SRRM4: variants seen among roughly 807,000 people sequenced by gnomAD.
The protein encoded by SRRM4 is serine/arginine repetitive matrix 4.
In SRRM4, 33 loss-of-function variants were observed where a neutral mutation model predicts 68.9. The observed-to-expected ratio is 0.48, with a 90% CI of 0.36 to 0.64. The LOEUF is 0.64. SRRM4 is among the 30% of genes least tolerant of loss of function. The probability of loss-of-function intolerance (pLI) is 0.00; values close to 1 mark genes in which losing one functional copy is unlikely to be tolerated. For missense variants in SRRM4, 817 were observed against 827.1 expected (o/e 0.99, Z 0.15); for synonymous variants, 318 against 318.8 (o/e 1.00, Z 0.03).
intron 1 of SRRM4, among the ~76,000 whole-genome samples, chr12:119,075,608 A>T (rs150466463): frequency 3.3e-5 from 5 of 149,890 alleles, no homozygotes; most frequent in African/African-American, 1.2e-4. Context: ...GATGTTGATG[A>T]TGGTGGTGAT....
chr12:119,143,036 T>A (rs1954375884), intron 8 of SRRM4, among the ~76,000 whole-genome samples: 1 of 152,222 alleles, frequency 6.6e-6, no homozygotes, highest in Non-Finnish European at 1.5e-5. Context: ...AGCAAAGCTA[T>A]CCAGTGTGCC....
At chr12:119,039,094 C>G (rs988911207) in intron 1 of SRRM4, among the ~76,000 whole-genome samples, 1 of 152,238 alleles carries the variant, frequency 6.6e-6, no homozygotes, top group African/African-American at 2.4e-5. Context: ...ATCATCTCAG[C>G]TCTTACTTTT....
At chr12:119,152,884 T>A (rs1954448465) in intron 10 of SRRM4, among the ~76,000 whole-genome samples, 1 of 152,164 alleles carries the variant, frequency 6.6e-6, no homozygotes, top group Non-Finnish European at 1.5e-5. Context: ...AACAATATAG[T>A]CTACAAAAAT....
chr12:119,124,559 A>T (rs1311284894), intron 6 of SRRM4, among the ~76,000 whole-genome samples: 1 of 152,176 alleles, frequency 6.6e-6, no homozygotes, highest in Non-Finnish European at 1.5e-5. Context: ...ATATATCTTC[A>T]ATTACCACTG....
intron 2 of SRRM4, among the ~76,000 whole-genome samples, chr12:119,106,291 G>T (rs1954107272): frequency 6.6e-6 from 1 of 152,170 alleles, no homozygotes; most frequent in Non-Finnish European, 1.5e-5. Flanking sequence ...TGGCAATGCG[G>T]GCTCTTTTTT....
At chr12:119,005,657 A>C (rs538647613) in intron 1 of SRRM4, among the ~76,000 whole-genome samples, 1 of 152,340 alleles carries the variant, frequency 6.6e-6, no homozygotes, top group South Asian at 2.1e-4. Flanking sequence ...AACCTACCTC[A>C]TCCAGGGTCC....
intron 6 of SRRM4, among the ~76,000 whole-genome samples, chr12:119,123,231 G>C (rs1386325186): frequency 9.2e-5 from 14 of 152,184 alleles, no homozygotes; most frequent in Non-Finnish European, 1.3e-4. Flanking sequence ...GGACGAAGGA[G>C]GGCATTTCCG....
chr12:119,155,479 T>A (rs1280296225), intron 12 of SRRM4, among the ~76,000 whole-genome samples: 1 of 152,180 alleles, frequency 6.6e-6, no homozygotes, highest in Non-Finnish European at 1.5e-5. Flanking sequence ...TGTAAAGAAT[T>A]CCTAAACCCT....
At chr12:119,149,319 G>A (rs1954424130) in intron 9 of SRRM4, among the ~76,000 whole-genome samples, 1 of 152,210 alleles carries the variant, frequency 6.6e-6, no homozygotes. Context: ...CTGCACTCCA[G>A]CCTGGCGACA....
intron 9 of SRRM4, 24 bp downstream of exon 9, chr12:119,145,709 G>A (rs776963073): frequency 1.4e-6 from 2 of 1,476,514 alleles, no homozygotes; most frequent in Admixed American, 5.1e-5. Context: ...ACAGGGTCGG[G>A]GGTAGACGGT....
chr12:119,134,734 C>T (rs73410058), intron 8 of SRRM4, among the ~76,000 whole-genome samples: 5,272 of 152,244 alleles, frequency 0.035, 302 homozygotes, highest in African/African-American at 0.12. Context: ...GTACCCACAA[C>T]GAACTAGTTA....
chr12:119,030,366 G>A (rs564441893), intron 1 of SRRM4, among the ~76,000 whole-genome samples: 1 of 152,178 alleles, frequency 6.6e-6, no homozygotes, highest in Non-Finnish European at 1.5e-5. Context: ...CACTCTCAGG[G>A]ATTCTGTAAG....
At chr12:119,051,892 G>A (rs755081156) in intron 1 of SRRM4, among the ~76,000 whole-genome samples, 14 of 152,230 alleles carry the variant, frequency 9.2e-5, no homozygotes, top group Admixed American at 3.9e-4. Flanking sequence ...CAATCTTTCT[G>A]TCTTCTGGGC....
At chr12:119,020,848 A>C (rs1349725393) in intron 1 of SRRM4, among the ~76,000 whole-genome samples, 1 of 152,254 alleles carries the variant, frequency 6.6e-6, no homozygotes, top group Non-Finnish European at 1.5e-5. Context: ...AAGGACTTTT[A>C]CAAAGAAAGC....
At chr12:119,067,258 G>A (rs1953851725) in intron 1 of SRRM4, among the ~76,000 whole-genome samples, 1 of 152,076 alleles carries the variant, frequency 6.6e-6, no homozygotes. Flanking sequence ...CCAGTGCCTA[G>A]CACCATGTCT....
chr12:119,125,378 A>C lies in SRRM4; in HGVS notation c.516-3A>C. ...CTGACTCGTTCCTTCTCATCCCCCC[A>C]AGATCTCGAAGCCGGCCCCGAAAGT... is the stretch of plus-strand genomic sequence containing the variant. On this transcript the variant is annotated splice_region_variant and splice_polypyrimidine_tract_variant and intron_variant, in intron 6 of 12. Transcript: ENST00000267260. 1 of 1,611,252 alleles carries C rather than the reference A, an allele frequency of 6.2e-7. No individual in the cohort carries two copies. Among genetic ancestry groups the C allele is most frequent in the South Asian group, 1.1e-5 (1 of 90,724 alleles).
intron 1 of SRRM4, among the ~76,000 whole-genome samples, chr12:118,988,358 G>A (rs1594015342): frequency 6.6e-6 from 1 of 152,220 alleles, no homozygotes; most frequent in Non-Finnish European, 1.5e-5. Flanking sequence ...CTCTCTGAGG[G>A]GAACATTAAC....
rs1364326281 is a variant in SRRM4 at position 119,157,050 on chromosome 12, C to CA, written c.*259dup. The CA allele has an allele frequency of 3.8e-5, 18 of 467,656 alleles. No individual in the cohort carries two copies. Among genetic ancestry groups the CA allele is most frequent in the East Asian group, 6.6e-5 (2 of 30,446 alleles). 29.0% of individuals were successfully genotyped at this position (467,656 alleles called of 1,614,324 possible). On this transcript the variant is annotated 3_prime_UTR_variant, in exon 13 of 13. Coordinates refer to ENST00000267260, the MANE Select transcript of SRRM4 (RefSeq NM_194286.4). This position sits in a 1 kb window ranked among gnomAD's most constrained non-coding sequence, Gnocchi z 4.1. ...TGGAAAGAACCATCATCTTGTGGCA[C>CA]AAAAAAAGAAGAAAGAAAAGAAAAC...
At chr12:119,006,224 C>A (rs1489037882) in intron 1 of SRRM4, among the ~76,000 whole-genome samples, 1 of 152,134 alleles carries the variant, frequency 6.6e-6, no homozygotes. Flanking sequence ...AGGATTCTGT[C>A]CCTTTTCCAT....
Sources: gnomAD v4.1 joint callset for allele counts (sites outside exome capture counted in the v4.1 genomes callset) on GRCh38, gnomAD v4.1.1 for gene constraint, Gnocchi (gnomAD v3.1) non-coding constraint, MANE v1.5 for transcripts, NCBI Gene and HGNC (gene_info 2026-07-23, HGNC 2026-07-21) for gene names.